The following SLC67A1 variants were observed in gnomAD, a reference collection of about 807,000 sequenced individuals.
SLC67A1 encodes solute carrier family 67 member 1.
At chr11:2,906,237 C>T in the SLC67A1 span, among the ~76,000 whole-genome samples, 123 of 152,184 alleles carry the variant, frequency 8.1e-4, 1 homozygote, top group Non-Finnish European at 3.8e-4. Flanking sequence ...CTGGAGAGGA[C>T]GTGGAGAAAT....
At chr11:2,904,999 A>G in the SLC67A1 span, among the ~76,000 whole-genome samples, 1 of 152,222 alleles carries the variant, frequency 6.6e-6, no homozygotes, top group Non-Finnish European at 1.5e-5. Context: ...GAGAGAAAGC[A>G]GGGCTCAGGG....
At chr11:2,915,040 C>T in the SLC67A1 span, 1 of 985,334 alleles carries the variant, frequency 1.0e-6, no homozygotes, top group Non-Finnish European at 1.2e-6. Flanking sequence ...GCGGTGGGTG[C>T]TGCAGGAGTC....
At chr11:2,919,472 G>C in the SLC67A1 span, 4 of 1,195,456 alleles carry the variant, frequency 3.3e-6, no homozygotes, top group African/African-American at 1.5e-5. Flanking sequence ...AGGCCTCTGA[G>C]AGTAGAGGCT....
chr11:2,913,469 G>A, the SLC67A1 span, among the ~76,000 whole-genome samples: 3 of 152,214 alleles, frequency 2.0e-5, no homozygotes, highest in Non-Finnish European at 2.9e-5. Flanking sequence ...GGGGGACCAG[G>A]TACGAGGAGA....
chr11:2,912,329 G>T, the SLC67A1 span, among the ~76,000 whole-genome samples: 26 of 152,358 alleles, frequency 1.7e-4, 1 homozygote, highest in South Asian at 5.4e-3. Flanking sequence ...AGGCTCCAAA[G>T]CCTGGTGCCC....
At chr11:2,919,450 C>A in the SLC67A1 span, 2 of 1,415,770 alleles carry the variant, frequency 1.4e-6, no homozygotes, top group Non-Finnish European at 2.0e-6. Flanking sequence ...CGGCAGGGGT[C>A]TCCAGTGGGG....
At chr11:2,899,908 G>T in the SLC67A1 span, 4 of 560,700 alleles carry the variant, frequency 7.1e-6, no homozygotes, top group Non-Finnish European at 1.2e-5. Context: ...TCCTCCTGCC[G>T]CTTCATCCTC....
At chr11:2,904,334 C>G in the SLC67A1 span, among the ~76,000 whole-genome samples, 1 of 152,194 alleles carries the variant, frequency 6.6e-6, no homozygotes, top group Non-Finnish European at 1.5e-5. Flanking sequence ...GCCTTTGGCA[C>G]CATTCCGGGC....
chr11:2,909,417 CGGGACACCTCCA>C, the SLC67A1 span: 6 of 1,473,930 alleles, frequency 4.1e-6, no homozygotes, highest in Non-Finnish European at 4.5e-6. Context: ...GCGGAGGACC[CGGGACACCTCCA>C]GGGAGGTCTG....
At chr11:2,914,916 G>C in the SLC67A1 span, 7 of 985,420 alleles carry the variant, frequency 7.1e-6, no homozygotes, top group South Asian at 4.7e-5. Flanking sequence ...TGGCTGGAGG[G>C]ACAAGCTGTG....
chr11:2,924,081 T>TG, the SLC67A1 span, among the ~76,000 whole-genome samples: 5 of 152,176 alleles, frequency 3.3e-5, no homozygotes, highest in Non-Finnish European at 7.4e-5. This position sits in a 1 kb window ranked among gnomAD's most constrained non-coding sequence, Gnocchi z 8.6. Flanking sequence ...CCTGGAGTCC[T>TG]GGGGGGTCCT....
At chr11:2,909,218 C>G in the SLC67A1 span, 1 of 1,538,006 alleles carries the variant, frequency 6.5e-7, no homozygotes, top group Admixed American at 1.9e-5. Context: ...GCGCGGGGCG[C>G]GGGCGGCGCT....
the SLC67A1 span, among the ~76,000 whole-genome samples, chr11:2,912,156 G>A: frequency 3.3e-5 from 5 of 152,240 alleles, no homozygotes; most frequent in Admixed American, 3.3e-4. Flanking sequence ...TGCTGCTTGG[G>A]CACTGTGGCA....
the SLC67A1 span, among the ~76,000 whole-genome samples, chr11:2,924,281 G>A: frequency 6.6e-6 from 1 of 152,172 alleles, no homozygotes; most frequent in South Asian, 2.1e-4. The surrounding 1 kb of genome is among the most constrained non-coding windows in gnomAD (Gnocchi z 8.6). Context: ...TCTTGCTCTG[G>A]GGACAGGAGG....
chr11:2,916,673 C>T, the SLC67A1 span: 1 of 1,613,008 alleles, frequency 6.2e-7, no homozygotes, highest in Non-Finnish European at 8.5e-7. Flanking sequence ...TGGGAGCTGT[C>T]CTCAGCTTCA....
At chr11:2,899,932 G>A in the SLC67A1 span, 2 of 501,330 alleles carry the variant, frequency 4.0e-6, no homozygotes, top group Non-Finnish European at 7.1e-6. Flanking sequence ...GCCCTCCCCA[G>A]GGAACCCAGG....
the SLC67A1 span, chr11:2,915,281 G>A: frequency 2.8e-4 from 220 of 787,942 alleles, no homozygotes; most frequent in Admixed American, 8.5e-4. Flanking sequence ...AAGTTTGCCC[G>A]TGTGTGTGTG....
At chr11:2,906,110 C>T in the SLC67A1 span, among the ~76,000 whole-genome samples, 2 of 152,202 alleles carry the variant, frequency 1.3e-5, no homozygotes, top group African/African-American at 4.8e-5. Context: ...CCAACAGACA[C>T]ATGAGAAAAT....
At chr11:2,905,403 G>A in the SLC67A1 span, among the ~76,000 whole-genome samples, 154 of 152,318 alleles carry the variant, frequency 1.0e-3, no homozygotes, top group African/African-American at 3.3e-3. Context: ...TGGGGTCAAT[G>A]GGGACCTCAG....
Sources: gnomAD v4.1 joint callset for allele counts (sites outside exome capture counted in the v4.1 genomes callset) on GRCh38, gnomAD v4.1.1 for gene constraint, Gnocchi (gnomAD v3.1) non-coding constraint, MANE v1.5 for transcripts, NCBI Gene and HGNC (gene_info 2026-07-23, HGNC 2026-07-21) for gene names.